Variants in GLI3 observed in about 807,000 individuals in gnomAD.
GLI3 encodes GLI family zinc finger 3, also known as transcription activator GLI3.
In GLI3, 20 loss-of-function variants were observed where a neutral mutation model predicts 100.8. The observed-to-expected ratio is 0.20, with a 90% CI of 0.14 to 0.29. GLI3 has a LOEUF of 0.29. Among genes scored for constraint, GLI3 ranks in the 10% least tolerant of loss-of-function variants. The probability of loss-of-function intolerance (pLI) is 1.00; values close to 1 mark genes in which losing one functional copy is unlikely to be tolerated. For missense variants in GLI3, 2,040 were observed against 2,128.5 expected (o/e 0.96, Z 0.82); for synonymous variants, 938 against 860.5 (o/e 1.09, Z -1.58).
At chr7:42,124,571 C>T (rs952848342) in intron 3 of GLI3, among the ~76,000 whole-genome samples, 1 of 152,226 alleles carries the variant, frequency 6.6e-6, no homozygotes, top group African/African-American at 2.4e-5. Context: ...TAGTAATTCT[C>T]AGAATCATCT....
chr7:42,078,344 T>G (rs565999632), intron 3 of GLI3, among the ~76,000 whole-genome samples: 271 of 152,306 alleles, frequency 1.8e-3, no homozygotes, highest in African/African-American at 6.4e-3. Flanking sequence ...TTGCTTCCCT[T>G]GTTTTGATTT....
chr7:42,253,826 T>C (rs568402023), intron 1 of GLI3, among the ~76,000 whole-genome samples: 27 of 152,350 alleles, frequency 1.8e-4, no homozygotes, highest in African/African-American at 6.3e-4. Context: ...ACTTAGTGAC[T>C]GAATTTTGAT....
At chr7:42,103,253 C>T (rs1009363503) in intron 3 of GLI3, among the ~76,000 whole-genome samples, 2 of 152,140 alleles carry the variant, frequency 1.3e-5, no homozygotes, top group East Asian at 3.9e-4. Context: ...AGTCACAGTC[C>T]TTTTGTAATC....
chr7:42,192,903 G>A (rs932449673), intron 2 of GLI3, among the ~76,000 whole-genome samples: 2 of 152,150 alleles, frequency 1.3e-5, no homozygotes, highest in Non-Finnish European at 2.9e-5. Flanking sequence ...AACAGGCAAC[G>A]AGAACCAGCA....
chr7:42,262,416 C>T (rs1477807560), intron 1 of GLI3, among the ~76,000 whole-genome samples: 1 of 152,074 alleles, frequency 6.6e-6, no homozygotes, highest in East Asian at 1.9e-4. Flanking sequence ...CATGCCACCA[C>T]AGCCAGCTAA....
At chr7:42,169,676 A>T (rs1207421680) in intron 2 of GLI3, among the ~76,000 whole-genome samples, 3 of 152,186 alleles carry the variant, frequency 2.0e-5, no homozygotes, top group Non-Finnish European at 2.9e-5. Context: ...TCACTGAAAC[A>T]ATATTTATAA....
chr7:42,143,653 T>C (rs1786628118), intron 3 of GLI3, among the ~76,000 whole-genome samples: 1 of 152,202 alleles, frequency 6.6e-6, no homozygotes, highest in South Asian at 2.1e-4. Context: ...TGCAAGCCAA[T>C]TAAAAATTCA....
At chr7:42,228,925 A>G (rs1044191245) in intron 1 of GLI3, among the ~76,000 whole-genome samples, 2 of 152,200 alleles carry the variant, frequency 1.3e-5, no homozygotes, top group Non-Finnish European at 1.5e-5. Context: ...TAAATAGAAA[A>G]TATGAAAAGT....
chr7:41,984,998 G>C (rs1214564122), intron 10 of GLI3, among the ~76,000 whole-genome samples: 6 of 152,194 alleles, frequency 3.9e-5, no homozygotes, highest in Admixed American at 6.5e-5. Context: ...TAAGGGCTTA[G>C]AAAGCAGTGT....
At chr7:42,241,194 C>G (rs1468872222), upstream of GLI3, among the ~76,000 whole-genome samples, 2 of 152,198 alleles carry the variant, frequency 1.3e-5, no homozygotes, top group East Asian at 1.9e-4. Flanking sequence ...CATCTTTCGG[C>G]TCCACTTTAT....
chr7:42,118,875 A>G (rs1486092286), intron 3 of GLI3, among the ~76,000 whole-genome samples: 1 of 152,258 alleles, frequency 6.6e-6, no homozygotes, highest in African/African-American at 2.4e-5. Context: ...GTTTTGAAAG[A>G]GAAACGAACT....
At chr7:42,096,473 A>G (rs1260190615) in intron 3 of GLI3, among the ~76,000 whole-genome samples, 2 of 152,206 alleles carry the variant, frequency 1.3e-5, no homozygotes, top group Non-Finnish European at 2.9e-5. Context: ...ACTTGGTAGC[A>G]TTGCTGAGTC....
At chr7:42,116,013 A>T (rs1785845178) in intron 3 of GLI3, among the ~76,000 whole-genome samples, 1 of 152,094 alleles carries the variant, frequency 6.6e-6, no homozygotes, top group South Asian at 2.1e-4. Context: ...GGGCATCATC[A>T]GCTCACAGAG....
intron 4 of GLI3, among the ~76,000 whole-genome samples, chr7:42,073,179 C>A (rs1041909895): frequency 3.9e-5 from 6 of 152,084 alleles, no homozygotes; most frequent in African/African-American, 1.2e-4. Context: ...AAACAAAATG[C>A]CAATAAATTA....
intron 10 of GLI3, among the ~76,000 whole-genome samples, 181 bp from the exon 11 acceptor site, chr7:41,978,929 G>C (rs561038746): frequency 1.3e-5 from 2 of 152,210 alleles, no homozygotes; most frequent in Non-Finnish European, 2.9e-5. Flanking sequence ...ATTTGCTTTT[G>C]CTAACTGTGT....
intron 3 of GLI3, among the ~76,000 whole-genome samples, chr7:42,097,968 C>G (rs1323583213): frequency 6.6e-6 from 1 of 152,178 alleles, no homozygotes; most frequent in East Asian, 1.9e-4. Flanking sequence ...ATGACAATCC[C>G]AGGAGGCATA....
At chr7:42,077,536 C>A (rs573110281) in intron 3 of GLI3, among the ~76,000 whole-genome samples, 130 of 152,126 alleles carry the variant, frequency 8.5e-4, no homozygotes, top group Non-Finnish European at 1.3e-3. Flanking sequence ...ACATCTAGAG[C>A]CAAACTCAGG....
chr7:42,214,617 A>G (rs968084247), intron 2 of GLI3, among the ~76,000 whole-genome samples: 3 of 151,844 alleles, frequency 2.0e-5, no homozygotes, highest in Admixed American at 2.0e-4. Context: ...TCCAATCTAT[A>G]TAAGTAAAGA....
intron 10 of GLI3, among the ~76,000 whole-genome samples, chr7:42,011,234 AG>A (rs533982226): frequency 1.1e-4 from 16 of 152,312 alleles, no homozygotes; most frequent in African/African-American, 3.6e-4. Context: ...TCCCCAGCCC[AG>A]GGGAGCTTAG....
Sources: gnomAD v4.1 joint callset for allele counts (sites outside exome capture counted in the v4.1 genomes callset) on GRCh38, gnomAD v4.1.1 for gene constraint, MANE v1.5 for transcripts, NCBI Gene and HGNC (gene_info 2026-07-23, HGNC 2026-07-21) for gene names.